PIAS4: variants seen among roughly 807,000 people sequenced by gnomAD.
PIAS4 encodes the protein E3 SUMO-protein ligase PIAS4.
In PIAS4, 7 loss-of-function variants were observed where a neutral mutation model predicts 58.0. The ratio of observed to expected loss-of-function variants is 0.12; its 90% CI spans 0.07 to 0.23. PIAS4 has a LOEUF of 0.23. Ranked by LOEUF, PIAS4 falls within the 10% of genes least tolerant of loss-of-function variation. PIAS4 has a pLI of 1.00. For missense variants in PIAS4, 550 were observed against 709.5 expected, an observed-to-expected ratio of 0.78 and a Z score of 2.55; for synonymous variants, 364 against 312.4, an observed-to-expected ratio of 1.17 and a Z score of -1.74.
chr19:4,023,974 C>A, intron 2 of PIAS4, 62 bp from the exon 3 acceptor site: 1 of 1,136,692 alleles, frequency 8.8e-7, no homozygotes, highest in Non-Finnish European at 1.3e-6. Context: ...CTGGGAAAAG[C>A]GACTGGGCTC....
intron 8 of PIAS4, 122 bp from the exon 9 acceptor site, chr19:4,033,298 C>T (rs1412967866): frequency 1.9e-5 from 25 of 1,325,658 alleles, no homozygotes; most frequent in Non-Finnish European, 2.3e-5. Flanking sequence ...GTCTTCGTCC[C>T]CTCCGTGTTC....
intron 9 of PIAS4, among the ~76,000 whole-genome samples, chr19:4,034,606 C>A (rs1295083458): frequency 2.0e-5 from 3 of 152,218 alleles, no homozygotes; most frequent in Non-Finnish European, 4.4e-5. Flanking sequence ...TTGGGCCGGG[C>A]ACGTGGGCTG....
intron 2 of PIAS4, among the ~76,000 whole-genome samples, chr19:4,023,618 A>G (rs2040132673): frequency 1.3e-5 from 2 of 152,152 alleles, no homozygotes; most frequent in Admixed American, 6.5e-5. Flanking sequence ...TGTCCGGGTG[A>G]CGTGGCCACC....
intron 2 of PIAS4, among the ~76,000 whole-genome samples, chr19:4,020,401 G>A (rs566681152): frequency 6.6e-6 from 1 of 152,182 alleles, no homozygotes; most frequent in South Asian, 2.1e-4. Context: ...CCTTTACCAG[G>A]GGCAGTTCGC....
intron 2 of PIAS4, among the ~76,000 whole-genome samples, chr19:4,015,056 C>T (rs1028037579): frequency 6.6e-6 from 1 of 152,226 alleles, no homozygotes; most frequent in Non-Finnish European, 1.5e-5. Flanking sequence ...CTAGCAGCAG[C>T]CTCCTGGGGA....
chr19:4,022,644 G>A (rs1388032806), intron 2 of PIAS4, among the ~76,000 whole-genome samples: 2 of 151,880 alleles, frequency 1.3e-5, no homozygotes, highest in Non-Finnish European at 2.9e-5. Flanking sequence ...GGGATTACAG[G>A]CGTGAGCCAC....
At chr19:4,023,787 A>G (rs748178886) in intron 2 of PIAS4, among the ~76,000 whole-genome samples, 51 of 152,332 alleles carry the variant, frequency 3.3e-4, no homozygotes, top group Non-Finnish European at 6.8e-4. Flanking sequence ...CAGGCTGCGA[A>G]GGTCACCCAG....
intron 3 of PIAS4, among the ~76,000 whole-genome samples, chr19:4,024,970 G>A (rs1043220407): frequency 2.0e-5 from 3 of 152,204 alleles, no homozygotes; most frequent in Admixed American, 6.5e-5. Flanking sequence ...TTGCCATGTT[G>A]ATCAGGCTGG....
At chr19:4,027,121 G>C (rs2040173260) in intron 3 of PIAS4, among the ~76,000 whole-genome samples, 1 of 152,100 alleles carries the variant, frequency 6.6e-6, no homozygotes, top group Non-Finnish European at 1.5e-5. Flanking sequence ...CAAAGTGCTG[G>C]GATTACAGGC....
intron 4 of PIAS4, 69 bp from the exon 5 acceptor site, chr19:4,028,441 T>TA: frequency 8.5e-7 from 1 of 1,169,944 alleles, no homozygotes; most frequent in Non-Finnish European, 1.2e-6. Flanking sequence ...ACCACTCGTG[T>TA]ACCCCCGCAG....
rs1444807169 is a variant in PIAS4 at position 4,007,884 on chromosome 19, A to G, written c.27+97A>G. 5 of 955,550 alleles carry G rather than the reference A, an allele frequency of 5.2e-6. No individual in the cohort carries two copies. In the African/African-American group the frequency reaches 8.7e-5, roughly 17 times the overall value. The allele number at this position is 955,550 out of a possible 1,614,324, so 59.2% of individuals were successfully genotyped here. On this transcript the variant is annotated intron_variant, in intron 1 of 10. Coordinates refer to ENST00000262971, the MANE Select transcript of PIAS4 (RefSeq NM_015897.4). ...CTGCGCCTTCTGTCCGGGGCCCCAC[A>G]GCGCGGCCGGCCCGCGGCTCGCCGT...
intron 2 of PIAS4, among the ~76,000 whole-genome samples, chr19:4,023,248 A>G (rs2144921604): frequency 1.3e-5 from 2 of 150,146 alleles, no homozygotes; most frequent in African/African-American, 4.9e-5. Context: ...AGAGTTTGAG[A>G]TGGGCGGATC....
At chr19:4,015,802 G>A (rs1028728866) in intron 2 of PIAS4, among the ~76,000 whole-genome samples, 1 of 152,210 alleles carries the variant, frequency 6.6e-6, no homozygotes. Flanking sequence ...CACCGCTCTG[G>A]TCTGTTTCCC....
Position 4,013,370 on chromosome 19 carries a change from G to A in PIAS4, c.454+21G>A. 6.3e-7 allele frequency: 1 copy of A among 1,594,136 alleles called. No individual in the cohort carries two copies. Among genetic ancestry groups the A allele is most frequent in the South Asian group, 1.1e-5 (1 of 89,722 alleles). Reference sequence around the variant, plus strand: ...ATTAGGTGAGTGGTCACCCTGGGGAGGCTGCGACTGGAGGCTTCACCTAGG... The same window carrying A: ...ATTAGGTGAGTGGTCACCCTGGGGAAGCTGCGACTGGAGGCTTCACCTAGG... On this transcript the variant is annotated intron_variant, in intron 2 of 10. Coordinates refer to ENST00000262971, the MANE Select transcript of PIAS4 (RefSeq NM_015897.4). The surrounding 1 kb of genome is among the most constrained non-coding windows in gnomAD (Gnocchi z 5.1).
intron 1 of PIAS4, among the ~76,000 whole-genome samples, chr19:4,010,786 G>A (rs565005178): frequency 1.8e-4 from 27 of 152,356 alleles, no homozygotes; most frequent in African/African-American, 6.0e-4. Context: ...CCTTGCTGGT[G>A]CCTGGTAGGG....
intron 2 of PIAS4, among the ~76,000 whole-genome samples, chr19:4,014,213 G>A (rs904508766): frequency 1.2e-4 from 19 of 152,170 alleles, no homozygotes; most frequent in African/African-American, 4.6e-4. Flanking sequence ...TCTCTCTCTC[G>A]TGTCTTTGTC....
chr19:4,024,260 C>T (rs763670075), intron 3 of PIAS4, 140 bp downstream of exon 3: 24 of 672,216 alleles, frequency 3.6e-5, no homozygotes, highest in South Asian at 2.5e-4. Context: ...AGGCAGTGGC[C>T]GGGTTTGCTT....
rs749075247 is a variant in PIAS4, at chr19:4,037,627, G to A, written c.1285G>A (p.Ala429Thr). ...GAILVLGPSD[A>T]NGLLPAPSVN... ...CCTGTTGCCCGTAGGCCCCTCGGACGCCAATGGGCTCCTGCCCGCCCCCAG... is the reference window on the plus strand; with the variant it reads ...CCTGTTGCCCGTAGGCCCCTCGGACACCAATGGGCTCCTGCCCGCCCCCAG... The change falls in exon 11 of 11, where the codon GCC becomes ACC. Residue 429 changes from alanine (A) to threonine (T), a missense_variant. Around this residue, in one of 4 missense-constraint regions of PIAS4, gnomAD observed 188 missense variants for 192.0 expected, o/e 0.98. Transcript: ENST00000262971. This position sits in a 1 kb window ranked among gnomAD's most constrained non-coding sequence, Gnocchi z 5.8. 15 of 1,610,596 alleles carry A rather than the reference G, an allele frequency of 9.3e-6. No homozygotes were observed. The highest frequency in any genetic ancestry group is 4.4e-5 in the South Asian group (4 of 91,090).
chr19:4,029,355 G>A (rs1038868765), intron 7 of PIAS4, among the ~76,000 whole-genome samples: 9 of 152,292 alleles, frequency 5.9e-5, no homozygotes, highest in African/African-American at 1.4e-4. Flanking sequence ...CACAGAGGCC[G>A]GGAGGGGTGA....
Sources: allele counts gnomAD v4.1 joint callset (sites outside exome capture counted in the v4.1 genomes callset), GRCh38; gene constraint gnomAD v4.1.1; regional missense constraint gnomAD v4.1.1; non-coding constraint Gnocchi (gnomAD v3.1); transcripts MANE v1.5; gene names NCBI Gene and HGNC (gene_info 2026-07-23, HGNC 2026-07-21).